EYS: variants seen among roughly 807,000 people sequenced by gnomAD.
EYS encodes the protein EGF-like photoreceptor maintenance factor, also known as protein eyes shut homolog.
EYS carries 250 observed loss-of-function variants against 282.1 expected under a neutral mutation model. The ratio of observed to expected loss-of-function variants is 0.89; its 90% CI spans 0.80 to 0.98. The LOEUF (loss-of-function observed/expected upper bound fraction) is 0.98. EYS is among the 50% of genes least tolerant of loss of function. The pLI, the probability that EYS is intolerant of heterozygous loss-of-function variation, is 0.00. For missense variants in EYS, 4,016 were observed against 3,709.0 expected (o/e 1.08, Z -2.15); for synonymous variants, 1,355 against 1,282.9 (o/e 1.06, Z -1.20).
chr6:65,621,375 C>A (rs1242471235), intron 2 of EYS, among the ~76,000 whole-genome samples: 1 of 151,412 alleles, frequency 6.6e-6, no homozygotes, highest in African/African-American at 2.4e-5. Flanking sequence ...AGGATTGCAA[C>A]CCCTGCCTTT....
At chr6:65,690,408 G>C (rs1368835846) in intron 1 of EYS, among the ~76,000 whole-genome samples, 1 of 149,642 alleles carries the variant, frequency 6.7e-6, no homozygotes, top group African/African-American at 2.4e-5. Context: ...TCATGCGTCC[G>C]TTTATAAACT....
intron 22 of EYS, among the ~76,000 whole-genome samples, chr6:64,750,113 C>A (rs926703404): frequency 6.6e-6 from 1 of 151,904 alleles, no homozygotes; most frequent in African/African-American, 2.4e-5. Context: ...AACATAATAT[C>A]TCTTACAAAA....
rs564140095 is a variant in EYS, at chr6:64,560,634, G to A, written c.5644+29589C>T. Among the ~76,000 whole-genome samples, 70 of 152,078 alleles carry A rather than the reference G, an allele frequency of 4.6e-4. No individual in the cohort carries two copies. The South Asian group carries it at 0.011, about 23-fold the overall frequency. ...TCAGCGCTCTGAAATACATAGGTAG[G>A]TACACAGTGTCCTACATAATTTCAT... On this transcript the variant is annotated intron_variant, in intron 26 of 42. Coordinates refer to ENST00000503581, the MANE Select transcript of EYS (RefSeq NM_001142800.2).
At chr6:64,570,974 T>C (rs1765707282) in intron 26 of EYS, among the ~76,000 whole-genome samples, 1 of 152,118 alleles carries the variant, frequency 6.6e-6, no homozygotes, top group Non-Finnish European at 1.5e-5. Context: ...CAACAGAATA[T>C]ACATTCTTCT....
At chr6:63,888,938 G>T (rs1364759910) in intron 35 of EYS, among the ~76,000 whole-genome samples, 1 of 152,126 alleles carries the variant, frequency 6.6e-6, no homozygotes, top group Non-Finnish European at 1.5e-5. Flanking sequence ...GTTTAGAGAA[G>T]AACATAAATG....
At chr6:64,401,354 A>G (rs1425905301) in intron 28 of EYS, among the ~76,000 whole-genome samples, 5 of 152,236 alleles carry the variant, frequency 3.3e-5, no homozygotes, top group South Asian at 2.1e-4. Flanking sequence ...TTTGTTGTTT[A>G]TCACATTTGC....
intron 14 of EYS, among the ~76,000 whole-genome samples, chr6:64,965,953 A>T (rs1770081015): frequency 6.8e-6 from 1 of 147,516 alleles, no homozygotes; most frequent in South Asian, 2.2e-4. Flanking sequence ...GAAAATTGTG[A>T]GTGTGTGTGT....
chr6:65,506,460 C>CTTTTTTTTT lies in EYS; in HGVS notation c.-332-10476_-332-10468dup, dbSNP rs58326040. On this transcript the variant is annotated intron_variant, in intron 2 of 42. Coordinates refer to ENST00000503581, the MANE Select transcript of EYS (RefSeq NM_001142800.2). ...GGTTTACAATATCCTTCCTTCCTTT[C>CTTTTTTTTT]TTTTTTTTTTTTTTTTTTTTTTTTT... Among the ~76,000 whole-genome samples the CTTTTTTTTT allele has an allele frequency of 3.7e-3, 240 of 64,884 alleles. 19 individuals carry two copies. Among genetic ancestry groups the CTTTTTTTTT allele is most frequent in the Non-Finnish European group, 5.2e-3 (185 of 35,806 alleles). 42.6% of individuals were successfully genotyped at this position (64,884 alleles called of 152,430 possible). A position where few individuals can be genotyped will look rare whatever the true frequency, so the allele number is the denominator to read the frequency against.
intron 2 of EYS, among the ~76,000 whole-genome samples, chr6:65,631,767 A>C (rs2149808464): frequency 6.6e-6 from 1 of 152,326 alleles, no homozygotes; most frequent in Admixed American, 6.5e-5. Context: ...CGAGTAGAGT[A>C]TAAGTAAAAT....
At chr6:65,376,743 C>G (rs540582580) in intron 8 of EYS, among the ~76,000 whole-genome samples, 1 of 151,950 alleles carries the variant, frequency 6.6e-6, no homozygotes, top group Non-Finnish European at 1.5e-5. Flanking sequence ...ATAAAACAGA[C>G]GTTAAACCAA....
intron 30 of EYS, among the ~76,000 whole-genome samples, chr6:64,235,583 A>G (rs1766574785): frequency 6.6e-6 from 1 of 152,144 alleles, no homozygotes; most frequent in South Asian, 2.1e-4. Context: ...AGCATGATTT[A>G]TAGTCCTTTG....
intron 14 of EYS, among the ~76,000 whole-genome samples, chr6:64,991,935 T>A (rs973647990): frequency 2.0e-5 from 3 of 151,788 alleles, no homozygotes; most frequent in Admixed American, 6.6e-5. Flanking sequence ...ACTCAGAATA[T>A]CACAGGAATT....
intron 35 of EYS, among the ~76,000 whole-genome samples, chr6:63,968,875 C>G (rs966385161): frequency 6.6e-6 from 1 of 152,096 alleles, no homozygotes; most frequent in Non-Finnish European, 1.5e-5. Flanking sequence ...GTCAGTAATG[C>G]AAATCCAAAA....
At chr6:64,966,160 T>C (rs1051964553) in intron 14 of EYS, among the ~76,000 whole-genome samples, 1 of 152,158 alleles carries the variant, frequency 6.6e-6, no homozygotes, top group Non-Finnish European at 1.5e-5. Context: ...ATTAAATGTA[T>C]GTTTTTCTGA....
At chr6:63,733,619 A>G (rs1768835315) in intron 41 of EYS, among the ~76,000 whole-genome samples, 2 of 152,138 alleles carry the variant, frequency 1.3e-5, no homozygotes, top group South Asian at 2.1e-4. Flanking sequence ...ATTTTCAATG[A>G]TGCTAGTAAG....
At chr6:65,153,407 GTGTGTGTTAACCAC>G (rs1274987230) in intron 12 of EYS, among the ~76,000 whole-genome samples, 1 of 140,906 alleles carries the variant, frequency 7.1e-6, no homozygotes, top group East Asian at 2.0e-4. Flanking sequence ...GTGTGTGTGT[GTGTGTGTTAACCAC>G]TAAATGCGTG....
chr6:64,624,223 A>C (rs181410805), intron 23 of EYS, among the ~76,000 whole-genome samples: 1 of 152,250 alleles, frequency 6.6e-6, no homozygotes, highest in African/African-American at 2.4e-5. Flanking sequence ...AAATGTCCTC[A>C]TGCTTACAAG....
rs1183444321 is a variant in EYS, at chr6:63,772,539, A to G, written c.7898+5467T>C. 2.6e-5 allele frequency among the ~76,000 whole-genome samples: 4 copies of G among 152,154 alleles called. No homozygotes were observed. In the East Asian group the frequency reaches 7.7e-4, roughly 29 times the overall value. ...ATGTTACCACTAACATCAAGACTAC[A>G]GGATGCAATAGAATCTCTTTATGGT... On this transcript the variant is annotated intron_variant, in intron 40 of 42. Coordinates refer to ENST00000503581, the MANE Select transcript of EYS (RefSeq NM_001142800.2).
chr6:64,820,310 C>T (rs545233544), intron 21 of EYS, among the ~76,000 whole-genome samples: 3 of 152,036 alleles, frequency 2.0e-5, no homozygotes, highest in Non-Finnish European at 4.4e-5. Flanking sequence ...ATAATATTGG[C>T]CATGTATGTA....
Sources: gnomAD v4.1 joint callset for allele counts (sites outside exome capture counted in the v4.1 genomes callset) on GRCh38, gnomAD v4.1.1 for gene constraint, MANE v1.5 for transcripts, NCBI Gene and HGNC (gene_info 2026-07-23, HGNC 2026-07-21) for gene names.